The following C2CD3 variants were observed in gnomAD, a reference collection of about 807,000 sequenced individuals.
The protein encoded by C2CD3 is C2 domain containing 3 centriole elongation regulator.
A neutral mutation model predicts 234.0 loss-of-function variants in C2CD3; 148 were observed. That is an observed-to-expected ratio of 0.63 (90% confidence interval 0.55 to 0.72). The LOEUF (loss-of-function observed/expected upper bound fraction) is 0.72, where lower values mean the gene tolerates loss of function less well. Ranked by LOEUF, C2CD3 falls within the 30% of genes least tolerant of loss-of-function variation. The pLI is 0.00. For synonymous variants in C2CD3, 1,000 were observed against 1,035.4 expected (o/e 0.97, Z 0.66); for missense variants, 2,577 against 2,811.5 (o/e 0.92, Z 1.89).
At chr11:74,103,749 A>AATT in intron 13 of C2CD3, 124 bp from the exon 14 acceptor site, 1 of 747,478 alleles carries the variant, frequency 1.3e-6, no homozygotes, top group Non-Finnish European at 2.1e-6. Flanking sequence ...ACACTCTAAT[A>AATT]GTAAGAATAT....
chr11:74,111,989 C>T (rs913438473), intron 11 of C2CD3, among the ~76,000 whole-genome samples: 6 of 151,550 alleles, frequency 4.0e-5, no homozygotes, highest in Non-Finnish European at 5.9e-5. Context: ...TACACACACA[C>T]ATTATCTATC....
At chr11:74,139,875 A>G (rs1290675422) in intron 3 of C2CD3, 47 bp from the exon 4 acceptor site, 2 of 1,126,940 alleles carry the variant, frequency 1.8e-6, no homozygotes, top group African/African-American at 1.5e-5. Flanking sequence ...AGCATTGATT[A>G]ACTAATTTTA....
intron 30 of C2CD3, chr11:74,034,530 A>G: frequency 6.2e-7 from 1 of 1,612,010 alleles, no homozygotes; most frequent in Non-Finnish European, 8.5e-7. Flanking sequence ...TTCAGAGACT[A>G]TCTGCTCATG....
chr11:74,100,638 C>T lies in C2CD3; in HGVS notation c.2619G>A (p.Arg873=), dbSNP rs1956280699. ...PVSLSSKYLE[R]LKNNVMVIET... The stretch of plus-strand genomic sequence containing the variant: ...CAATTACCATCACATTGTTCTTAAG[C>T]CTTTCCAGGTATTTGGAAGACAGAG... The change falls in exon 15 of 33, where the codon AGG becomes AGA. Residue 873 remains arginine, a synonymous_variant. Coordinates refer to ENST00000334126, the MANE Select transcript of C2CD3 (RefSeq NM_001286577.2). 3.7e-6 allele frequency: 6 copies of T among 1,613,964 alleles called. No homozygotes were observed. The East Asian group carries it at 8.9e-5, about 24-fold the overall frequency.
intron 32 of C2CD3, among the ~76,000 whole-genome samples, 158 bp downstream of exon 32, chr11:74,028,129 C>A (rs1565206769): frequency 5.3e-5 from 8 of 152,206 alleles, no homozygotes. Context: ...TCCCTGCCCA[C>A]TGCTGGGCCC....
intron 3 of C2CD3, among the ~76,000 whole-genome samples, chr11:74,146,115 A>C (rs943833884): frequency 2.6e-5 from 4 of 152,222 alleles, no homozygotes; most frequent in African/African-American, 7.2e-5. Flanking sequence ...GTACACATTT[A>C]AACTGTTATT....
At chr11:74,128,463 T>C (rs2135530357) in intron 7 of C2CD3, 1 of 152,332 alleles carries the variant, frequency 6.6e-6, no homozygotes, top group East Asian at 1.9e-4. Flanking sequence ...AAATTCAAGG[T>C]CACAGATTTA....
At chr11:74,028,816 T>C (rs1430913260) in intron 31 of C2CD3, among the ~76,000 whole-genome samples, 1 of 152,228 alleles carries the variant, frequency 6.6e-6, no homozygotes, top group Non-Finnish European at 1.5e-5. Flanking sequence ...GGCTGGCAGG[T>C]AGCAGGCGTT....
In C2CD3 at chr11:74,048,349, A is replaced by T; in HGVS notation, c.5362-11T>A. 1 of 1,613,058 alleles carries T rather than the reference A, an allele frequency of 6.2e-7. No homozygotes were observed. ...ACTGTATATTGGGATCTGTAAACAC[A>T]ACAAGAAAAATGGTACACTTGTCAC... On this transcript the variant is annotated splice_polypyrimidine_tract_variant and intron_variant, in intron 27 of 32. Coordinates refer to ENST00000334126, the MANE Select transcript of C2CD3 (RefSeq NM_001286577.2).
chr11:74,137,628 A>T (rs750283769), intron 5 of C2CD3, among the ~76,000 whole-genome samples: 13 of 150,974 alleles, frequency 8.6e-5, no homozygotes, highest in Non-Finnish European at 1.5e-4. Flanking sequence ...TCCGTTGCCC[A>T]GGCTGGAGTG....
intron 23 of C2CD3, among the ~76,000 whole-genome samples, chr11:74,077,158 G>A: frequency 6.6e-6 from 1 of 152,006 alleles, no homozygotes; most frequent in East Asian, 1.9e-4. Context: ...CAGAGAGGAA[G>A]AATACCCTGG....
chr11:74,100,688 G>A lies in C2CD3; in HGVS notation c.2581-12C>T. On this transcript the variant is annotated splice_polypyrimidine_tract_variant and intron_variant, in intron 14 of 32. Coordinates refer to ENST00000334126, the MANE Select transcript of C2CD3 (RefSeq NM_001286577.2). The stretch of plus-strand genomic sequence containing the variant: ...GAGACAGGAATCACCTAAGAGAGAG[G>A]AACAACCAAAACAAACAAAAAACTC... The A allele has an allele frequency of 1.3e-6, 2 of 1,592,378 alleles. No individual in the cohort carries two copies. Among genetic ancestry groups the A allele is most frequent in the Admixed American group, 1.9e-5 (1 of 53,664 alleles).
chr11:74,044,079 C>A (rs962236020), intron 28 of C2CD3, among the ~76,000 whole-genome samples: 1 of 151,926 alleles, frequency 6.6e-6, no homozygotes, highest in Non-Finnish European at 1.5e-5. Flanking sequence ...TGAGTTCAAG[C>A]GATCCTCCCA....
In C2CD3 at chr11:74,113,768, T is replaced by A. The variant is rs748511422; in HGVS notation, c.1843+12A>T. On this transcript the variant is annotated intron_variant, in intron 11 of 32. Transcript: ENST00000334126. The stretch of plus-strand genomic sequence containing the variant: ...GAATGTCTAAGGTGCAGAAAACCAG[T>A]GTGTCTCTTACTTCCATCTGTAATT... 6 of 1,448,806 alleles carry A rather than the reference T, an allele frequency of 4.1e-6. No homozygotes were observed. The Admixed American group carries it at 1.0e-4, about 24-fold the overall frequency. The allele number at this position is 1,448,806 out of a possible 1,614,324, so 89.7% of individuals were successfully genotyped here. A position where few individuals can be genotyped will look rare whatever the true frequency, so the allele number is the denominator to read the frequency against.
At chr11:74,077,771 GTATATATATATATATATATATATATATA>G (rs553597652) in intron 23 of C2CD3, among the ~76,000 whole-genome samples, 18 of 69,204 alleles carry the variant, frequency 2.6e-4, no homozygotes, top group Non-Finnish European at 3.5e-4. Flanking sequence ...AGAACTTACA[GTATATATATATATATATATATATATATA>G]TATATATATA....
chr11:74,162,542 A>G lies in C2CD3; in HGVS notation c.326-986T>C, dbSNP rs144193146. On this transcript the variant is annotated intron_variant, in intron 2 of 32. Coordinates refer to ENST00000334126, the MANE Select transcript of C2CD3 (RefSeq NM_001286577.2). The stretch of plus-strand genomic sequence containing the variant: ...ATAACAAAACTATCTGGAAAAAGTA[A>G]TTTAACTTAAAAAAGTATTTTAATT... Among the ~76,000 whole-genome samples, 5 of 152,324 alleles carry G rather than the reference A, an allele frequency of 3.3e-5. No individual in the cohort carries two copies. In the East Asian group the frequency reaches 7.7e-4, roughly 24 times the overall value.
Position 74,113,872 on chromosome 11 carries a change from T to C in C2CD3, c.1751A>G (p.His584Arg). 1 of 1,592,154 alleles carries C rather than the reference T, an allele frequency of 6.3e-7. No homozygotes were observed. The stretch of plus-strand genomic sequence containing the variant: ...GCTTTCCGAAAAGCCCACAGGAAAG[T>C]GATATTCTACAAAGAAAGTGCTAAA... The part of the protein sequence containing the change: ...AKKRTFFVEY[H>R]FPVGFSESGL... Residue 584 changes from histidine (H) to arginine (R), a missense_variant, in exon 11 of 33, where the codon CAC (histidine) becomes CGC (arginine). Physicochemically the swap from His to Arg is conservative, Grantham distance 29. Coordinates refer to ENST00000334126, the MANE Select transcript of C2CD3 (RefSeq NM_001286577.2).
At chr11:74,077,803 A>AGTCTC in intron 23 of C2CD3, among the ~76,000 whole-genome samples, 1 of 15,788 alleles carries the variant, frequency 6.3e-5, no homozygotes, top group Non-Finnish European at 1.2e-4. Context: ...ATATATATAT[A>AGTCTC]TATATATATA....
chr11:74,028,829 A>G (rs1952410862), intron 31 of C2CD3, among the ~76,000 whole-genome samples: 1 of 152,208 alleles, frequency 6.6e-6, no homozygotes, highest in Admixed American at 6.5e-5. Flanking sequence ...CAGGCGTTGA[A>G]TGATTCTTGC....
Sources: gnomAD v4.1 joint callset for allele counts (sites outside exome capture counted in the v4.1 genomes callset) on GRCh38, gnomAD v4.1.1 for gene constraint, MANE v1.5 for transcripts, NCBI Gene and HGNC (gene_info 2026-07-23, HGNC 2026-07-21) for gene names.